ROBO1: variants seen among roughly 807,000 people sequenced by gnomAD.
ROBO1 encodes roundabout homolog 1.
ROBO1 carries 149 observed loss-of-function variants against 195.9 expected under a neutral mutation model. The observed-to-expected ratio is 0.76, with a 90% CI of 0.67 to 0.87. ROBO1 has a LOEUF of 0.87. Ranked by LOEUF, ROBO1 falls within the 40% of genes least tolerant of loss-of-function variation. The pLI is 0.00. For synonymous variants in ROBO1, 816 were observed against 733.2 expected (o/e 1.11, Z -1.82); for missense variants, 1,933 against 2,068.3 (o/e 0.93, Z 1.27).
At chr3:79,477,870 T>G (rs1351128785) in intron 2 of ROBO1, among the ~76,000 whole-genome samples, 3 of 152,192 alleles carry the variant, frequency 2.0e-5, no homozygotes, top group Non-Finnish European at 4.4e-5. Flanking sequence ...TGATTTAGGA[T>G]TATCTGGAAT....
At chr3:79,288,675 A>G (rs1176940859) in intron 2 of ROBO1, among the ~76,000 whole-genome samples, 3 of 152,186 alleles carry the variant, frequency 2.0e-5, no homozygotes, top group African/African-American at 7.2e-5. Flanking sequence ...CGCTTCCTTT[A>G]GCATTCTACA....
intron 2 of ROBO1, among the ~76,000 whole-genome samples, chr3:79,165,033 T>C (rs1167935356): frequency 6.6e-6 from 1 of 152,200 alleles, no homozygotes; most frequent in Non-Finnish European, 1.5e-5. Flanking sequence ...TAAAATCTAG[T>C]TGGTATACTT....
intron 2 of ROBO1, among the ~76,000 whole-genome samples, chr3:79,411,771 G>T (rs990058806): frequency 7.9e-5 from 12 of 152,120 alleles, no homozygotes; most frequent in African/African-American, 2.9e-4. Flanking sequence ...TATTTTGCAT[G>T]CACATTTAAT....
chr3:79,440,508 C>T (rs184542643), intron 2 of ROBO1, among the ~76,000 whole-genome samples: 4 of 152,178 alleles, frequency 2.6e-5, no homozygotes, highest in African/African-American at 9.6e-5. Context: ...TACTTTAATC[C>T]CTGATCTATT....
intron 4 of ROBO1, among the ~76,000 whole-genome samples, chr3:78,861,030 T>A (rs1243323444): frequency 1.3e-5 from 2 of 152,222 alleles, no homozygotes; most frequent in Non-Finnish European, 2.9e-5. Flanking sequence ...CCCATTCTTT[T>A]GTCTCAACTA....
In ROBO1 at chr3:79,547,184, C is replaced by CAAAAAAAAAA. The variant is rs1162585941; in HGVS notation, c.88+42630_88+42639dup. Among the ~76,000 whole-genome samples the CAAAAAAAAAA allele has an allele frequency of 1.3e-3, 30 of 23,276 alleles. 1 individual carries two copies. Among genetic ancestry groups the CAAAAAAAAAA allele is most frequent in the South Asian group, 2.8e-3 (1 of 360 alleles). 15.3% of individuals were successfully genotyped at this position (23,276 alleles called of 152,430 possible). ...TGGCAGACAGAGCGAGACTCCGCCTCAAAAAAAAAAAAAAAAAAAAAAAAA... is the reference window on the plus strand; with the variant it reads ...TGGCAGACAGAGCGAGACTCCGCCTCAAAAAAAAAAAAAAAAAAAAAAAAAAAAAAAAAAA... On this transcript the variant is annotated intron_variant, in intron 2 of 30. Transcript: ENST00000464233.
At chr3:79,199,014 CTTTA>C (rs2081704631) in intron 2 of ROBO1, among the ~76,000 whole-genome samples, 1 of 151,932 alleles carries the variant, frequency 6.6e-6, no homozygotes, top group African/African-American at 2.4e-5. Flanking sequence ...ATTGAATACC[CTTTA>C]TTTATTTCTC....
chr3:78,782,131 C>T (rs2083694777), intron 4 of ROBO1, among the ~76,000 whole-genome samples: 1 of 152,022 alleles, frequency 6.6e-6, no homozygotes, highest in Non-Finnish European at 1.5e-5. Context: ...CTATTAACTC[C>T]AAGTTATCTA....
intron 3 of ROBO1, among the ~76,000 whole-genome samples, chr3:79,027,219 A>G (rs1438859625): frequency 6.6e-6 from 1 of 152,094 alleles, no homozygotes; most frequent in African/African-American, 2.4e-5. Flanking sequence ...CCATCTTGAA[A>G]TTGTACTCGA....
At chr3:78,719,793 G>T (rs1176715968) in intron 5 of ROBO1, among the ~76,000 whole-genome samples, 1 of 151,994 alleles carries the variant, frequency 6.6e-6, no homozygotes, top group South Asian at 2.1e-4. Flanking sequence ...CATTCTTCCC[G>T]CTTATGAACA....
At chr3:79,318,380 T>C (rs1293036734) in intron 2 of ROBO1, among the ~76,000 whole-genome samples, 4 of 152,218 alleles carry the variant, frequency 2.6e-5, no homozygotes, top group Non-Finnish European at 5.9e-5. Context: ...GGAATTCCCA[T>C]TGCATATACT....
intron 4 of ROBO1, among the ~76,000 whole-genome samples, chr3:78,756,436 A>G (rs887115876): frequency 2.0e-5 from 3 of 152,214 alleles, no homozygotes; most frequent in African/African-American, 7.2e-5. Context: ...AGTTCACAGC[A>G]TTTCACTTTC....
At chr3:79,382,408 T>G (rs2036605397) in intron 2 of ROBO1, among the ~76,000 whole-genome samples, 1 of 151,090 alleles carries the variant, frequency 6.6e-6, no homozygotes, top group African/African-American at 2.4e-5. Context: ...TAGGGAAGCA[T>G]TTGGAATATA....
chr3:79,373,757 T>C (rs1451627816), intron 2 of ROBO1, among the ~76,000 whole-genome samples: 1 of 152,216 alleles, frequency 6.6e-6, no homozygotes, highest in Non-Finnish European at 1.5e-5. Flanking sequence ...TGAGCCTTTC[T>C]TGGATATGAA....
intron 2 of ROBO1, among the ~76,000 whole-genome samples, chr3:79,254,770 C>T (rs1330507066): frequency 6.6e-6 from 1 of 152,178 alleles, no homozygotes; most frequent in Non-Finnish European, 1.5e-5. Context: ...GTGTAAGCTT[C>T]TCCAATTAGG....
At chr3:79,060,977 A>G (rs767073665) in intron 3 of ROBO1, among the ~76,000 whole-genome samples, 41 of 152,162 alleles carry the variant, frequency 2.7e-4, no homozygotes, top group African/African-American at 4.1e-4. Context: ...CCTATTCAAC[A>G]TACTGTTGAA....
At chr3:78,647,741 G>T in intron 19 of ROBO1, 86 bp from the exon 20 acceptor site, 3 of 1,130,630 alleles carry the variant, frequency 2.7e-6, no homozygotes, top group African/African-American at 1.5e-5. Flanking sequence ...CAAGCAGACA[G>T]CTGAACATAA....
At chr3:79,441,010 G>A (rs140336097) in intron 2 of ROBO1, among the ~76,000 whole-genome samples, 164 of 152,016 alleles carry the variant, frequency 1.1e-3, no homozygotes, top group African/African-American at 3.8e-3. Context: ...TTTGACATAC[G>A]GAGCAATTCA....
intron 3 of ROBO1, among the ~76,000 whole-genome samples, chr3:79,010,106 A>G (rs1334974333): frequency 2.0e-5 from 3 of 152,206 alleles, no homozygotes; most frequent in Non-Finnish European, 4.4e-5. Flanking sequence ...GATGTAACAT[A>G]AAAATCAAAC....
Sources: allele counts gnomAD v4.1 joint callset (sites outside exome capture counted in the v4.1 genomes callset), GRCh38; gene constraint gnomAD v4.1.1; transcripts MANE v1.5; gene names NCBI Gene and HGNC (gene_info 2026-07-23, HGNC 2026-07-21).